SLCO4C1: variants seen among roughly 807,000 people sequenced by gnomAD.
The protein encoded by SLCO4C1 is solute carrier organic anion transporter family member 4C1, also known as organic anion transporter M1.
A neutral mutation model predicts 72.1 loss-of-function variants in SLCO4C1; 58 were observed. That is an observed-to-expected ratio of 0.80 (90% CI 0.65 to 1.00). The LOEUF (loss-of-function observed/expected upper bound fraction) is 1.00, where lower values mean the gene tolerates loss of function less well. SLCO4C1 is among the 50% of genes least tolerant of loss of function. SLCO4C1 has a pLI of 0.00. For synonymous variants in SLCO4C1, 297 were observed against 312.5 expected, an observed-to-expected ratio of 0.95 and a Z score of 0.52; for missense variants, 898 against 857.9, an observed-to-expected ratio of 1.05 and a Z score of -0.58.
At chr5:102,284,284 A>C (rs1749408842) in intron 2 of SLCO4C1, among the ~76,000 whole-genome samples, 1 of 152,100 alleles carries the variant, frequency 6.6e-6, no homozygotes, top group Non-Finnish European at 1.5e-5. Context: ...ATACCTCATC[A>C]AAGGACTCCA....
intron 6 of SLCO4C1, among the ~76,000 whole-genome samples, chr5:102,258,862 A>C (rs1748887806): frequency 6.6e-6 from 1 of 151,886 alleles, no homozygotes; most frequent in South Asian, 2.1e-4. Flanking sequence ...AAAAACATGC[A>C]ATAATTTAAA....
chr5:102,252,181 C>A (rs946324338), intron 8 of SLCO4C1, among the ~76,000 whole-genome samples: 1 of 151,968 alleles, frequency 6.6e-6, no homozygotes, highest in Non-Finnish European at 1.5e-5. Context: ...ACCTCTGCCA[C>A]CATGAAGCTA....
At chr5:102,237,670 C>T (rs557034293) in intron 12 of SLCO4C1, among the ~76,000 whole-genome samples, 1 of 152,110 alleles carries the variant, frequency 6.6e-6, no homozygotes, top group South Asian at 2.1e-4. Context: ...TTGCAAGCAA[C>T]CAAAAGTCAA....
intron 12 of SLCO4C1, 133 bp from the exon 13 acceptor site, chr5:102,237,151 A>T: frequency 3.1e-6 from 3 of 959,114 alleles, no homozygotes; most frequent in Non-Finnish European, 2.9e-6. Flanking sequence ...TATGTTTAAA[A>T]TTTTTGAAAC....
intron 2 of SLCO4C1, among the ~76,000 whole-genome samples, chr5:102,282,804 C>T (rs6860754): frequency 0.12 from 17,515 of 151,934 alleles, 1,198 homozygotes; most frequent in African/African-American, 0.15. Flanking sequence ...TGACAATATA[C>T]GTATGAATGT....
At chr5:102,254,801 A>C (rs1313149237) in intron 8 of SLCO4C1, among the ~76,000 whole-genome samples, 1 of 152,224 alleles carries the variant, frequency 6.6e-6, no homozygotes, top group Non-Finnish European at 1.5e-5. Flanking sequence ...TAACCTTTAT[A>C]TGCACTGGAA....
intron 10 of SLCO4C1, among the ~76,000 whole-genome samples, chr5:102,243,763 C>G (rs1748588828): frequency 6.6e-6 from 1 of 152,144 alleles, no homozygotes; most frequent in Non-Finnish European, 1.5e-5. Flanking sequence ...AGAGACCAAT[C>G]TGAGAAACAG....
intron 6 of SLCO4C1, 127 bp downstream of exon 6, chr5:102,260,086 T>TATATATA: frequency 4.1e-6 from 1 of 245,360 alleles, no homozygotes; most frequent in Non-Finnish European, 8.0e-6. Context: ...GTGGTTGTAT[T>TATATATA]TGTATATATA....
intron 2 of SLCO4C1, among the ~76,000 whole-genome samples, chr5:102,271,689 C>T (rs1289805990): frequency 1.3e-5 from 2 of 151,906 alleles, no homozygotes; most frequent in Non-Finnish European, 2.9e-5. Flanking sequence ...TTGTCACTTG[C>T]ATTTTTTTCT....
At chr5:102,285,238 CAA>C (rs1561381097) in intron 2 of SLCO4C1, among the ~76,000 whole-genome samples, 1 of 150,468 alleles carries the variant, frequency 6.6e-6, no homozygotes, top group Non-Finnish European at 1.5e-5. Context: ...CACACACACA[CAA>C]ATATATACAC....
chr5:102,288,168 A>T (rs745321367), intron 2 of SLCO4C1, among the ~76,000 whole-genome samples: 7 of 152,208 alleles, frequency 4.6e-5, no homozygotes, highest in Non-Finnish European at 1.0e-4. Flanking sequence ...GAATCAAACC[A>T]AGTGAATGAC....
chr5:102,236,699 A>G lies in SLCO4C1; in HGVS notation c.*159T>C. Reference sequence around the variant, plus strand: ...GGCACAGGTCTGTTTCTTGCATAAAACAAAAACTACATAAGTAAAAAAATA... The same window carrying G: ...GGCACAGGTCTGTTTCTTGCATAAAGCAAAAACTACATAAGTAAAAAAATA... On this transcript the variant is annotated 3_prime_UTR_variant, in exon 13 of 13. Transcript: ENST00000310954. The G allele has an allele frequency of 1.2e-6, 1 of 833,906 alleles. No homozygotes were observed. 51.7% of individuals were successfully genotyped at this position (833,906 alleles called of 1,614,324 possible).
Position 102,261,969 on chromosome 5 carries a change from A to G in SLCO4C1, c.964T>C (p.Trp322Arg), listed in dbSNP as rs1480585604. Reference sequence around the variant, plus strand: ...ATTATTAAAGACCAAGCAAAGATCCATGATAGAAGAAACCCAATCCACCAA... The same window carrying G: ...ATTATTAAAGACCAAGCAAAGATCCGTGATAGAAGAAACCCAATCCACCAA... ...GAWWIGFLLS[W>R]IFAWSLIIPF... Residue 322 changes from tryptophan to arginine, a missense_variant, in exon 5 of 13, where the codon TGG becomes CGG. Trp to Arg is a moderately radical substitution (Grantham distance 101). Coordinates refer to ENST00000310954, the MANE Select transcript of SLCO4C1 (RefSeq NM_180991.5). 2 of 1,613,246 alleles carry G rather than the reference A, an allele frequency of 1.2e-6. No individual in the cohort carries two copies. Among genetic ancestry groups the G allele is most frequent in the Non-Finnish European group, 1.7e-6 (2 of 1,179,484 alleles).
At chr5:102,250,255 C>T (rs530825463) in intron 8 of SLCO4C1, among the ~76,000 whole-genome samples, 1 of 152,268 alleles carries the variant, frequency 6.6e-6, no homozygotes, top group Admixed American at 6.5e-5. Context: ...ACATAATCAT[C>T]TCATCAATGG....
At chr5:102,254,305 A>G (rs1748794181) in intron 8 of SLCO4C1, among the ~76,000 whole-genome samples, 3 of 152,176 alleles carry the variant, frequency 2.0e-5, no homozygotes, top group African/African-American at 7.2e-5. Context: ...ACCTAGTGAT[A>G]GTGATAGTAT....
Position 102,240,796 on chromosome 5 carries a change from A to G in SLCO4C1, c.1812-14T>C, listed in dbSNP as rs1000959408. On this transcript the variant is annotated splice_polypyrimidine_tract_variant and intron_variant, in intron 10 of 12. Coordinates refer to ENST00000310954, the MANE Select transcript of SLCO4C1 (RefSeq NM_180991.5). ...TGATTAACACACCTGGAAATATTAA[A>G]TATATATGAGACCAAAAAAGGTGGT... 1.7e-5 allele frequency: 27 copies of G among 1,602,016 alleles called. No homozygotes were observed. Among genetic ancestry groups the G allele is most frequent in the Non-Finnish European group, 2.1e-5 (25 of 1,171,730 alleles).
chr5:102,249,566 C>T, intron 9 of SLCO4C1, 72 bp downstream of exon 9: 4 of 1,530,122 alleles, frequency 2.6e-6, no homozygotes, highest in Non-Finnish European at 3.6e-6. Context: ...CATTGCATAA[C>T]CCCATTAGAG....
At chr5:102,241,488 C>T (rs1748538514) in intron 10 of SLCO4C1, among the ~76,000 whole-genome samples, 1 of 150,958 alleles carries the variant, frequency 6.6e-6, no homozygotes, top group African/African-American at 2.4e-5. Context: ...AAGTAAACAA[C>T]AAAATTTACA....
chr5:102,285,424 A>C (rs1413969230), intron 2 of SLCO4C1, among the ~76,000 whole-genome samples: 1 of 152,094 alleles, frequency 6.6e-6, no homozygotes, highest in Non-Finnish European at 1.5e-5. Flanking sequence ...ATCTGGGATT[A>C]CAGGTGCCTG....
Sources: gnomAD v4.1 joint callset for allele counts (sites outside exome capture counted in the v4.1 genomes callset) on GRCh38, gnomAD v4.1.1 for gene constraint, MANE v1.5 for transcripts, NCBI Gene and HGNC (gene_info 2026-07-23, HGNC 2026-07-21) for gene names.